The following ARHGAP25 variants were observed in gnomAD, a reference collection of about 807,000 sequenced individuals.
ARHGAP25 encodes Rho GTPase activating protein 25.
A neutral mutation model predicts 71.0 loss-of-function variants in ARHGAP25; 34 were observed. The ratio of observed to expected loss-of-function variants is 0.48; its 90% CI spans 0.36 to 0.64. The LOEUF (loss-of-function observed/expected upper bound fraction) is 0.64. Ranked by LOEUF, ARHGAP25 falls within the 30% of genes least tolerant of loss-of-function variation. ARHGAP25 has a pLI of 0.00. For missense variants in ARHGAP25, 706 were observed against 805.1 expected, an observed-to-expected ratio of 0.88 and a Z score of 1.49; for synonymous variants, 282 against 296.5, an observed-to-expected ratio of 0.95 and a Z score of 0.50.
At chr2:68,764,459 G>A (rs1677008398) in intron 1 of ARHGAP25, among the ~76,000 whole-genome samples, 1 of 152,188 alleles carries the variant, frequency 6.6e-6, no homozygotes, top group Non-Finnish European at 1.5e-5. Flanking sequence ...GTTAAGGGAG[G>A]GTAGCTACCC....
intron 10 of ARHGAP25, among the ~76,000 whole-genome samples, chr2:68,825,609 C>CA (rs1014416529): frequency 2.3e-4 from 34 of 149,930 alleles, no homozygotes; most frequent in Admixed American, 6.6e-4. Context: ...ACTAAAAATA[C>CA]AAAAAAAAAG....
chr2:68,793,189 G>A (rs564955021), intron 4 of ARHGAP25, among the ~76,000 whole-genome samples: 1 of 152,234 alleles, frequency 6.6e-6, no homozygotes, highest in East Asian at 1.9e-4. Context: ...TTTATCATAT[G>A]CATAGTTTGC....
At chr2:68,821,865 GT>G (rs1329694026) in intron 9 of ARHGAP25, among the ~76,000 whole-genome samples, 1 of 141,876 alleles carries the variant, frequency 7.0e-6, no homozygotes, top group Non-Finnish European at 1.5e-5. Flanking sequence ...ATTAAGGAGA[GT>G]AACCAATTGT....
At chr2:68,813,577 A>C (rs541000204) in intron 6 of ARHGAP25, among the ~76,000 whole-genome samples, 158 bp downstream of exon 6, 60 of 152,360 alleles carry the variant, frequency 3.9e-4, no homozygotes, top group Non-Finnish European at 8.8e-5. Context: ...ACTCAATCAT[A>C]ATGACTGGCA....
Position 68,816,155 on chromosome 2 carries a change from A to G in ARHGAP25, c.808-134A>G, listed in dbSNP as rs775794116. Reference sequence around the variant, plus strand: ...CCCTTTTTTTTTTTAAACCCACAGAACTACAGGAACAGGAATGACTGCCAA... The same window carrying G: ...CCCTTTTTTTTTTTAAACCCACAGAGCTACAGGAACAGGAATGACTGCCAA... On this transcript the variant is annotated intron_variant, in intron 6 of 10. Transcript: ENST00000409202. The G allele has an allele frequency of 2.8e-4, 219 of 780,200 alleles. 1 individual carries two copies. The highest frequency in any genetic ancestry group is 4.1e-5 in the Non-Finnish European group (18 of 443,216). The allele number at this position is 780,200 out of a possible 1,614,324, so 48.3% of individuals were successfully genotyped here. A position where few individuals can be genotyped will look rare whatever the true frequency, so the allele number is the denominator to read the frequency against.
At chr2:68,787,791 C>G (rs1309628101) in intron 3 of ARHGAP25, 49 bp from the exon 4 acceptor site, 3 of 1,495,558 alleles carry the variant, frequency 2.0e-6, no homozygotes, top group Non-Finnish European at 2.8e-6. Flanking sequence ...CCCTTGCTCT[C>G]ATGTTCTTAT....
intron 3 of ARHGAP25, among the ~76,000 whole-genome samples, chr2:68,783,958 C>T (rs1057427159): frequency 1.3e-5 from 2 of 152,154 alleles, no homozygotes; most frequent in East Asian, 3.9e-4. Flanking sequence ...TGTCCCAAAG[C>T]CTGGGTTTTC....
chr2:68,775,942 A>G (rs534939729), intron 2 of ARHGAP25, among the ~76,000 whole-genome samples: 1 of 152,310 alleles, frequency 6.6e-6, no homozygotes, highest in East Asian at 1.9e-4. Flanking sequence ...AGAAAAGATT[A>G]GTTCTATGAG....
chr2:68,782,401 A>G lies in ARHGAP25; in HGVS notation c.349+81A>G, dbSNP rs566483527. ...CTTCTGGACCCTAGAAGTCAAAGCT[A>G]TATTCGGAGAGTAATTCAACTAACT... On this transcript the variant is annotated intron_variant, in intron 3 of 10. Transcript: ENST00000409202. 1.3e-5 allele frequency: 17 copies of G among 1,298,900 alleles called. No homozygotes were observed. The East Asian group carries it at 1.9e-4, about 14-fold the overall frequency. 80.5% of individuals were successfully genotyped at this position (1,298,900 alleles called of 1,614,324 possible). A position where few individuals can be genotyped will look rare whatever the true frequency, so the allele number is the denominator to read the frequency against.
Position 68,821,623 on chromosome 2 carries a change from A to G in ARHGAP25, c.1201-717A>G, listed in dbSNP as rs999390545. 3.9e-5 allele frequency among the ~76,000 whole-genome samples: 6 copies of G among 152,358 alleles called. No individual in the cohort carries two copies. The East Asian group carries it at 1.2e-3, about 29-fold the overall frequency. On this transcript the variant is annotated intron_variant, in intron 9 of 10. Coordinates refer to ENST00000409202, the MANE Select transcript of ARHGAP25 (RefSeq NM_001007231.3). ...GAACTGTTTTCCTACAGTTTCACCAACAGAGTTTGTTGTCAAATTTTGGGG... is the reference window on the plus strand; with the variant it reads ...GAACTGTTTTCCTACAGTTTCACCAGCAGAGTTTGTTGTCAAATTTTGGGG...
intron 5 of ARHGAP25, among the ~76,000 whole-genome samples, chr2:68,812,701 G>A (rs1414367625): frequency 6.6e-6 from 1 of 152,188 alleles, no homozygotes; most frequent in Non-Finnish European, 1.5e-5. Context: ...GCTCGATGGG[G>A]CCAGGGCTCC....
At chr2:68,722,383 G>A (rs1401323806) in intron 2 of ARHGAP25, among the ~76,000 whole-genome samples, 1 of 151,882 alleles carries the variant, frequency 6.6e-6, no homozygotes, top group Non-Finnish European at 1.5e-5. Context: ...TTCAAGACCA[G>A]CCTGGCCAAC....
intron 2 of ARHGAP25, among the ~76,000 whole-genome samples, chr2:68,721,595 C>T (rs566125980): frequency 8.0e-4 from 122 of 152,330 alleles, no homozygotes; most frequent in African/African-American, 2.7e-3. Flanking sequence ...TGGTGTTCTA[C>T]GTGTAATCAC....
chr2:68,774,778 T>G, intron 1 of ARHGAP25: 2 of 1,024,110 alleles, frequency 2.0e-6, no homozygotes, highest in Non-Finnish European at 2.3e-6. Flanking sequence ...TCCGGCGGCC[T>G]CTGCAGCTGC....
intron 4 of ARHGAP25, among the ~76,000 whole-genome samples, chr2:68,795,913 T>C (rs996153287): frequency 1.3e-5 from 2 of 152,210 alleles, no homozygotes; most frequent in African/African-American, 4.8e-5. Flanking sequence ...TTTAGGTCAG[T>C]AATATTTGTT....
chr2:68,796,791 T>G (rs1679578974), intron 4 of ARHGAP25, among the ~76,000 whole-genome samples: 2 of 152,086 alleles, frequency 1.3e-5, no homozygotes, highest in African/African-American at 2.4e-5. Context: ...GTGGGGGGCT[T>G]TTTTGGATGC....
upstream of ARHGAP25, among the ~76,000 whole-genome samples, chr2:68,731,605 C>G (rs1675021254): frequency 6.6e-6 from 1 of 152,164 alleles, no homozygotes; most frequent in South Asian, 2.1e-4. Context: ...AGCTTCGTTT[C>G]TCCTCAGCCC....
intron 3 of ARHGAP25, among the ~76,000 whole-genome samples, chr2:68,785,341 A>C (rs1374467425): frequency 6.6e-6 from 1 of 152,232 alleles, no homozygotes. Flanking sequence ...AGGCTTTTGC[A>C]AGAATCCAAG....
intron 1 of ARHGAP25, among the ~76,000 whole-genome samples, chr2:68,738,690 G>A (rs1420006369): frequency 1.3e-5 from 2 of 151,962 alleles, no homozygotes; most frequent in East Asian, 1.9e-4. Flanking sequence ...GCATGGTGGC[G>A]GGCACCTGTA....
Sources: gnomAD v4.1 joint callset for allele counts (sites outside exome capture counted in the v4.1 genomes callset) on GRCh38, gnomAD v4.1.1 for gene constraint, MANE v1.5 for transcripts, NCBI Gene and HGNC (gene_info 2026-07-23, HGNC 2026-07-21) for gene names.